Variants in CPNE4 observed in about 807,000 individuals in gnomAD.
CPNE4 encodes the protein copine-4.
A neutral mutation model predicts 67.9 loss-of-function variants in CPNE4; 25 were observed. The observed-to-expected ratio is 0.37, with a 90% CI of 0.27 to 0.51. CPNE4 has a LOEUF of 0.51. Ranked by LOEUF, CPNE4 falls within the 20% of genes least tolerant of loss-of-function variation. CPNE4 has a pLI of 0.93. For synonymous variants in CPNE4, 242 were observed against 244.9 expected, an observed-to-expected ratio of 0.99 and a Z score of 0.11; for missense variants, 464 against 690.8, an observed-to-expected ratio of 0.67 and a Z score of 3.68.
chr3:131,726,364 G>A (rs115912449), intron 2 of CPNE4, among the ~76,000 whole-genome samples: 1 of 152,178 alleles, frequency 6.6e-6, no homozygotes, highest in East Asian at 1.9e-4. Context: ...TGAGCGAAAT[G>A]ACAAGATGGA....
chr3:131,805,558 G>A (rs1440718979), intron 2 of CPNE4, among the ~76,000 whole-genome samples: 1 of 152,206 alleles, frequency 6.6e-6, no homozygotes, highest in Non-Finnish European at 1.5e-5. Flanking sequence ...AGTCTCTCAT[G>A]AAGTTGCAAC....
chr3:131,967,578 A>G (rs2072387832), intron 1 of CPNE4, among the ~76,000 whole-genome samples: 1 of 152,198 alleles, frequency 6.6e-6, no homozygotes, highest in African/African-American at 2.4e-5. Flanking sequence ...ATACACCAAT[A>G]ATAGACAAAC....
chr3:131,817,149 G>C (rs2084773572), intron 2 of CPNE4, among the ~76,000 whole-genome samples: 1 of 152,178 alleles, frequency 6.6e-6, no homozygotes, highest in Admixed American at 6.6e-5. Flanking sequence ...ACTACATGTG[G>C]AAAGGTCACA....
At chr3:131,635,997 C>T (rs1218337383) in intron 7 of CPNE4, among the ~76,000 whole-genome samples, 4 of 91,850 alleles carry the variant, frequency 4.4e-5, no homozygotes, top group African/African-American at 2.2e-4. Context: ...AGGAGAATGG[C>T]GTGAACCCGG....
At chr3:131,980,186 T>A (rs1452798591) in intron 1 of CPNE4, among the ~76,000 whole-genome samples, 1 of 152,150 alleles carries the variant, frequency 6.6e-6, no homozygotes, top group Non-Finnish European at 1.5e-5. Flanking sequence ...GTGAATATCT[T>A]TTTGGATGAA....
chr3:131,857,506 T>TTGA (rs143031090), intron 2 of CPNE4, among the ~76,000 whole-genome samples: 11,588 of 152,008 alleles, frequency 0.076, 570 homozygotes, highest in East Asian at 0.17. Flanking sequence ...ACTACTAAAA[T>TTGA]TGATTAGCTT....
At position 131,731,981 on chromosome 3, in the gene CPNE4, G is replaced by A. The variant is rs908893424; in HGVS notation, c.181-8356C>T. Among the ~76,000 whole-genome samples the A allele has an allele frequency of 3.3e-5, 5 of 152,224 alleles. No homozygotes were observed. In the East Asian group the frequency reaches 7.7e-4, roughly 24 times the overall value. On this transcript the variant is annotated intron_variant, in intron 2 of 15. Coordinates refer to ENST00000429747, the MANE Select transcript of CPNE4 (RefSeq NM_130808.3). The stretch of plus-strand genomic sequence containing the variant: ...AATTTGGAAACTGTGTGGGGGTGGC[G>A]GGGAACCAATGCATCAGCAATTTAA...
chr3:131,624,698 A>G (rs143368650), intron 7 of CPNE4, among the ~76,000 whole-genome samples: 103 of 152,258 alleles, frequency 6.8e-4, no homozygotes, highest in African/African-American at 2.4e-3. Context: ...AAATCTTAAC[A>G]TGGAGTAATT....
chr3:131,544,879 C>G (rs918673821), intron 14 of CPNE4, among the ~76,000 whole-genome samples: 5 of 152,198 alleles, frequency 3.3e-5, no homozygotes, highest in African/African-American at 1.2e-4. Flanking sequence ...CTTCCCCTAA[C>G]TCCTGTCTGA....
chr3:131,630,640 C>G (rs1446370188), intron 7 of CPNE4, among the ~76,000 whole-genome samples: 1 of 152,132 alleles, frequency 6.6e-6, no homozygotes, highest in Non-Finnish European at 1.5e-5. Context: ...GTTGCACCAG[C>G]CATATTTCAA....
At chr3:131,663,821 C>A (rs184281657) in intron 7 of CPNE4, among the ~76,000 whole-genome samples, 2 of 152,274 alleles carry the variant, frequency 1.3e-5, no homozygotes, top group East Asian at 3.9e-4. Flanking sequence ...GGCCTCCTTT[C>A]ACCCCTTAGT....
intron 1 of CPNE4, among the ~76,000 whole-genome samples, chr3:131,995,695 TC>T (rs2107654679): frequency 6.6e-6 from 1 of 152,316 alleles, no homozygotes; most frequent in East Asian, 1.9e-4. Flanking sequence ...CTTCCCAACC[TC>T]CTTCATGGAC....
In CPNE4 at chr3:131,550,075, G is replaced by T; in HGVS notation, c.1174C>A (p.Gln392Lys). 1 of 1,612,892 alleles carries T rather than the reference G, an allele frequency of 6.2e-7. No individual in the cohort carries two copies. Among genetic ancestry groups the T allele is most frequent in the Non-Finnish European group, 8.5e-7 (1 of 1,179,238 alleles). Residue 392 changes from glutamine to lysine, a missense_variant, in exon 14 of 16, where the codon CAA becomes AAA. By Grantham distance (53) the Gln-to-Lys change is moderately conservative (BLOSUM62 1). Coordinates refer to ENST00000429747, the MANE Select transcript of CPNE4 (RefSeq NM_130808.3). ...NEDNPECAGI[Q>K]GVVEAYQSCL... ...CTCTGATAGGCTTCCACAACTCCTT[G>T]AATTCCTGAGGTGAAATTGGCAAAG...
chr3:131,589,453 G>A (rs972771257), intron 7 of CPNE4, among the ~76,000 whole-genome samples: 2 of 152,198 alleles, frequency 1.3e-5, no homozygotes, highest in Admixed American at 6.5e-5. Flanking sequence ...TGTTCTAGCC[G>A]TGCTAGCAGC....
At chr3:131,662,430 CACATAT>C (rs1215939625) in intron 7 of CPNE4, among the ~76,000 whole-genome samples, 4 of 152,152 alleles carry the variant, frequency 2.6e-5, no homozygotes, top group Non-Finnish European at 4.4e-5. Context: ...CATACACATA[CACATAT>C]ACATATACAC....
chr3:131,535,076 T>G lies in CPNE4; in HGVS notation c.*119A>C. 9.4e-7 allele frequency: 1 copy of G among 1,066,480 alleles called. No individual in the cohort carries two copies. The highest frequency in any genetic ancestry group is 1.3e-6 in the Non-Finnish European group (1 of 771,124). 66.1% of individuals were successfully genotyped at this position (1,066,480 alleles called of 1,614,324 possible). A position where few individuals can be genotyped will look rare whatever the true frequency, so the allele number is the denominator to read the frequency against. On this transcript the variant is annotated 3_prime_UTR_variant, in exon 16 of 16. Coordinates refer to ENST00000429747, the MANE Select transcript of CPNE4 (RefSeq NM_130808.3). ...CAGATAGTTAAAAATCACCAAAACGTGCTATTTTTAAATGTGTATATGTTG... is the reference window on the plus strand; with the variant it reads ...CAGATAGTTAAAAATCACCAAAACGGGCTATTTTTAAATGTGTATATGTTG...
At chr3:131,855,108 G>A (rs2086387907) in intron 2 of CPNE4, among the ~76,000 whole-genome samples, 1 of 151,884 alleles carries the variant, frequency 6.6e-6, no homozygotes, top group Non-Finnish European at 1.5e-5. Flanking sequence ...TTTCACATAA[G>A]CCTCTTTCTG....
chr3:131,722,419 G>A (rs1583081879), intron 3 of CPNE4, among the ~76,000 whole-genome samples: 1 of 151,458 alleles, frequency 6.6e-6, no homozygotes, highest in South Asian at 2.1e-4. Context: ...TTCAGTCAGG[G>A]AAAGTGGTCT....
chr3:131,922,658 G>A (rs1416685827), intron 1 of CPNE4, among the ~76,000 whole-genome samples: 4 of 152,130 alleles, frequency 2.6e-5, no homozygotes, highest in East Asian at 1.9e-4. Context: ...GGAAATTCAC[G>A]GGCATTAATT....
Sources: gnomAD v4.1 joint callset for allele counts (sites outside exome capture counted in the v4.1 genomes callset) on GRCh38, gnomAD v4.1.1 for gene constraint, MANE v1.5 for transcripts, NCBI Gene and HGNC (gene_info 2026-07-23, HGNC 2026-07-21) for gene names.